CEP20: variants seen among roughly 807,000 people sequenced by gnomAD.
The protein encoded by CEP20 is centrosomal protein 20.
CEP20 carries 18 observed loss-of-function variants against 20.0 expected under a neutral mutation model. The ratio of observed to expected loss-of-function variants is 0.90; its 90% CI spans 0.62 to 1.34. The LOEUF is 1.34. Ranked by LOEUF, CEP20 falls within the 40% of genes most tolerant of loss-of-function variation. The probability of loss-of-function intolerance (pLI) is 0.00; values close to 1 mark genes in which losing one functional copy is unlikely to be tolerated. For synonymous variants in CEP20, 77 were observed against 73.7 expected, an observed-to-expected ratio of 1.04 and a Z score of -0.23; for missense variants, 215 against 201.6, an observed-to-expected ratio of 1.07 and a Z score of -0.40.
At chr16:15,884,265 A>C in intron 1 of CEP20, 60 bp from the exon 2 acceptor site, 2 of 1,482,480 alleles carry the variant, frequency 1.3e-6, no homozygotes, top group Non-Finnish European at 1.8e-6. Flanking sequence ...TCTTAGGCAT[A>C]CTTTGAAAAG....
At chr16:15,881,322 C>T (rs150997048) in intron 2 of CEP20, among the ~76,000 whole-genome samples, 477 of 152,086 alleles carry the variant, frequency 3.1e-3, no homozygotes, top group African/African-American at 0.011. Flanking sequence ...ATCCCAAGTC[C>T]CCACTATTTT....
rs1038360310 is a variant in CEP20, at chr16:15,885,440, G to A, written c.29-1235C>T. ...AACAATCTCGCTCTGTCGCCAGGTT[G>A]GAGTGCAGTGGCACGATCTCGGCTC... On this transcript the variant is annotated intron_variant, in intron 1 of 4. Transcript: ENST00000255759. 4.6e-5 allele frequency among the ~76,000 whole-genome samples: 7 copies of A among 152,064 alleles called. 1 individual carries two copies. The highest frequency in any genetic ancestry group is 1.7e-4 in the African/African-American group (7 of 41,420).
At chr16:15,875,442 G>GT (rs1256886755) in intron 3 of CEP20, among the ~76,000 whole-genome samples, 1 of 151,970 alleles carries the variant, frequency 6.6e-6, no homozygotes, top group African/African-American at 2.4e-5. Context: ...TCAAACAGGA[G>GT]TTTGAGACAG....
chr16:15,869,345 C>G (rs2044758522), intron 4 of CEP20, among the ~76,000 whole-genome samples: 1 of 139,842 alleles, frequency 7.2e-6, no homozygotes, highest in Admixed American at 7.5e-5. Context: ...GAGTCTCGCT[C>G]TGTCGCCCAG....
At position 15,866,913 on chromosome 16, in the gene CEP20, A is replaced by T. The variant is rs563287328; in HGVS notation, c.*527T>A. ...CTTACAAACTTTAAGGGCCTTTATA[A>T]TACTTCCTAAATGGCTGGGCTCAGT... On this transcript the variant is annotated 3_prime_UTR_variant, in exon 5 of 5. Coordinates refer to ENST00000255759, the MANE Select transcript of CEP20 (RefSeq NM_144600.4). The T allele has an allele frequency of 2.0e-5, 3 of 152,688 alleles. No homozygotes were observed. Among genetic ancestry groups the T allele is most frequent in the Non-Finnish European group, 4.4e-5 (3 of 68,362 alleles). The allele number at this position is 152,688 out of a possible 1,614,324, so 9.5% of individuals were successfully genotyped here.
intron 4 of CEP20, among the ~76,000 whole-genome samples, chr16:15,870,949 A>T (rs2044800693): frequency 6.6e-6 from 1 of 152,228 alleles, no homozygotes; most frequent in Non-Finnish European, 1.5e-5. Flanking sequence ...ATATTTAAAT[A>T]CACAGAAATG....
At position 15,888,562 on chromosome 16, in the gene CEP20, C is replaced by T. The variant is rs772557013; in HGVS notation, c.24G>A (p.Lys8=). The T allele has an allele frequency of 6.8e-6, 11 of 1,614,086 alleles. No individual in the cohort carries two copies. The highest frequency in any genetic ancestry group is 9.3e-6 in the Non-Finnish European group (11 of 1,180,052). Residue 8 remains lysine (K), a synonymous_variant, in exon 1 of 5, where the codon AAG becomes AAA. Coordinates refer to ENST00000255759, the MANE Select transcript of CEP20 (RefSeq NM_144600.4). MATVAEL[K]AVLKDTLEKK... The stretch of plus-strand genomic sequence containing the variant: ...GGCCTCCCTGCTCGCACTCACCAGC[C>T]TTCAACTCTGCCACAGTCGCCATTT...
At position 15,866,709 on chromosome 16, in the gene CEP20, T is replaced by C. The variant is rs1384942354; in HGVS notation, c.*731A>G. 1 of 152,228 alleles carries C rather than the reference T, an allele frequency of 6.6e-6. No homozygotes were observed. Among genetic ancestry groups the C allele is most frequent in the Non-Finnish European group, 1.5e-5 (1 of 68,044 alleles). 9.4% of individuals were successfully genotyped at this position (152,228 alleles called of 1,614,324 possible). A position where few individuals can be genotyped will look rare whatever the true frequency, so the allele number is the denominator to read the frequency against. ...ATTTCTCCCAAAGCCTGTCTCTTCA[T>C]GCTTACTTCACATTCTTTATCTAAT... On this transcript the variant is annotated 3_prime_UTR_variant, in exon 5 of 5. Coordinates refer to ENST00000255759, the MANE Select transcript of CEP20 (RefSeq NM_144600.4).
intron 3 of CEP20, 46 bp from the exon 4 acceptor site, chr16:15,873,673 G>A (rs948760849): frequency 8.3e-6 from 13 of 1,558,654 alleles, no homozygotes; most frequent in African/African-American, 2.7e-5. Context: ...TAATAAATCT[G>A]CATAAACGGG....
intron 2 of CEP20, among the ~76,000 whole-genome samples, chr16:15,880,881 C>A (rs906773650): frequency 1.3e-5 from 2 of 151,902 alleles, no homozygotes; most frequent in African/African-American, 2.4e-5. Flanking sequence ...TTATGAGAAT[C>A]TAAGGCCTGA....
Position 15,867,294 on chromosome 16 carries a change from C to A in CEP20, c.*146G>T, listed in dbSNP as rs2044703051. On this transcript the variant is annotated 3_prime_UTR_variant, in exon 5 of 5. Coordinates refer to ENST00000255759, the MANE Select transcript of CEP20 (RefSeq NM_144600.4). ...TAGATGACAAGAGTTAGCTTTTATT[C>A]ACAAATGTAGTTAAACATGAGGGGT... 2 of 500,634 alleles carry A rather than the reference C, an allele frequency of 4.0e-6. No homozygotes were observed. The highest frequency in any genetic ancestry group is 6.9e-6 in the Non-Finnish European group (2 of 288,750). The allele number at this position is 500,634 out of a possible 1,614,324, so 31.0% of individuals were successfully genotyped here.
intron 2 of CEP20, among the ~76,000 whole-genome samples, chr16:15,883,402 C>T (rs1465677282): frequency 6.6e-6 from 1 of 152,020 alleles, no homozygotes; most frequent in Non-Finnish European, 1.5e-5. Flanking sequence ...CTCTGTTGCC[C>T]AGACTGGAGT....
intron 3 of CEP20, among the ~76,000 whole-genome samples, chr16:15,875,282 A>G (rs1162938799): frequency 3.9e-5 from 6 of 152,214 alleles, no homozygotes; most frequent in Non-Finnish European, 5.9e-5. Context: ...AATCTTCCCC[A>G]AAGTGTTAAC....
intron 3 of CEP20, among the ~76,000 whole-genome samples, chr16:15,874,146 A>T (rs1445362055): frequency 6.6e-6 from 1 of 152,194 alleles, no homozygotes; most frequent in Non-Finnish European, 1.5e-5. Flanking sequence ...TTTATAAATT[A>T]GGATAAGCAC....
rs28731089 is a variant in CEP20 at position 15,872,452 on chromosome 16, G to A, written c.448+1039C>T. ...CAGGGCCAGGTACAGGCTCGTGCCT[G>A]TAACCCCCACACTCTGAGAGGCTGA... On this transcript the variant is annotated intron_variant, in intron 4 of 4. Coordinates refer to ENST00000255759, the MANE Select transcript of CEP20 (RefSeq NM_144600.4). 9.5e-3 allele frequency among the ~76,000 whole-genome samples: 1,443 copies of A among 152,288 alleles called. 24 individuals carry two copies. Among genetic ancestry groups the A allele is most frequent in the African/African-American group, 0.033 (1,383 of 41,556 alleles).
chr16:15,872,736 CA>C (rs2044851310), intron 4 of CEP20, among the ~76,000 whole-genome samples: 1 of 120,682 alleles, frequency 8.3e-6, no homozygotes, highest in African/African-American at 4.1e-5. Flanking sequence ...TTTTATGTCT[CA>C]AAAAAATACA....
At chr16:15,883,468 C>A (rs76866813) in intron 2 of CEP20, among the ~76,000 whole-genome samples, 1 of 152,048 alleles carries the variant, frequency 6.6e-6, no homozygotes, top group East Asian at 1.9e-4. Flanking sequence ...CACATGATCA[C>A]CCCCTCCCCG....
chr16:15,869,494 A>T (rs1243111020), intron 4 of CEP20, among the ~76,000 whole-genome samples: 2 of 152,018 alleles, frequency 1.3e-5, no homozygotes, highest in African/African-American at 4.8e-5. Context: ...TATTTTCAGT[A>T]GAGACAGGGT....
At chr16:15,887,858 G>C (rs988026815) in intron 1 of CEP20, among the ~76,000 whole-genome samples, 1 of 151,912 alleles carries the variant, frequency 6.6e-6, no homozygotes, top group Admixed American at 6.6e-5. Context: ...CTTTGAGGGG[G>C]CCAAGGCAGG....
Sources: gnomAD v4.1 joint callset for allele counts (sites outside exome capture counted in the v4.1 genomes callset) on GRCh38, gnomAD v4.1.1 for gene constraint, MANE v1.5 for transcripts, NCBI Gene and HGNC (gene_info 2026-07-23, HGNC 2026-07-21) for gene names.